The following ATP6V1H variants were observed in gnomAD, a reference collection of about 807,000 sequenced individuals.
ATP6V1H encodes V-type proton ATPase subunit H.
ATP6V1H carries 39 observed loss-of-function variants against 71.7 expected under a neutral mutation model. The observed-to-expected ratio is 0.54, with a 90% CI of 0.42 to 0.71. ATP6V1H has a LOEUF of 0.71. Among genes scored for constraint, ATP6V1H ranks in the 30% least tolerant of loss-of-function variants. ATP6V1H has a pLI of 0.00. For missense variants in ATP6V1H, 509 were observed against 594.9 expected, an observed-to-expected ratio of 0.86 and a Z score of 1.50; for synonymous variants, 192 against 199.3, an observed-to-expected ratio of 0.96 and a Z score of 0.31.
chr8:53,723,497 T>G (rs1023052393), intron 13 of ATP6V1H, among the ~76,000 whole-genome samples: 5 of 152,224 alleles, frequency 3.3e-5, no homozygotes, highest in Non-Finnish European at 7.3e-5. Context: ...ATTTTACCCC[T>G]CGGTGGTTTT....
Position 53,781,335 on chromosome 8 carries a change from T to A in ATP6V1H, c.871-9168A>T, listed in dbSNP as rs571537465. Among the ~76,000 whole-genome samples the A allele has an allele frequency of 2.1e-3, 321 of 152,372 alleles. 1 individual carries two copies. The highest frequency in any genetic ancestry group is 7.3e-3 in the African/African-American group (302 of 41,592). On this transcript the variant is annotated intron_variant, in intron 9 of 13. Transcript: ENST00000359530. Reference sequence around the variant, plus strand: ...CATGTGTTTTATGGCTGCATAAATGTCTTCTTTTCAGAAGTGTCTGTTCAT... The same window carrying A: ...CATGTGTTTTATGGCTGCATAAATGACTTCTTTTCAGAAGTGTCTGTTCAT...
intron 11 of ATP6V1H, among the ~76,000 whole-genome samples, chr8:53,763,444 G>C (rs73682570): frequency 0.12 from 17,761 of 152,146 alleles, 1,500 homozygotes; most frequent in East Asian, 0.37. Flanking sequence ...TAAATACGAT[G>C]TAAACAAATC....
intron 13 of ATP6V1H, among the ~76,000 whole-genome samples, chr8:53,721,391 A>T (rs1272612571): frequency 6.6e-6 from 1 of 152,226 alleles, no homozygotes. Context: ...TAAGTACTAT[A>T]TAGTCCAACT....
intron 9 of ATP6V1H, among the ~76,000 whole-genome samples, chr8:53,773,947 A>C (rs1808769693): frequency 6.6e-6 from 1 of 152,210 alleles, no homozygotes; most frequent in South Asian, 2.1e-4. Flanking sequence ...GTGAACTTGA[A>C]AATAGGTTAA....
chr8:53,781,845 A>G (rs1457838514), intron 9 of ATP6V1H, among the ~76,000 whole-genome samples: 1 of 152,034 alleles, frequency 6.6e-6, no homozygotes, highest in Admixed American at 6.6e-5. Flanking sequence ...AAGATCAGAT[A>G]GTTGTAGATG....
At chr8:53,745,005 C>T (rs958335671) in intron 12 of ATP6V1H, among the ~76,000 whole-genome samples, 2 of 152,122 alleles carry the variant, frequency 1.3e-5, no homozygotes, top group South Asian at 4.1e-4. Context: ...GCTGCTCTCC[C>T]GCCTCCCATT....
At chr8:53,761,990 A>G (rs1164979641) in intron 11 of ATP6V1H, among the ~76,000 whole-genome samples, 2 of 152,222 alleles carry the variant, frequency 1.3e-5, no homozygotes, top group Non-Finnish European at 2.9e-5. Flanking sequence ...GAGCAACCTG[A>G]TTTACAACAC....
At position 53,749,074 on chromosome 8, in the gene ATP6V1H, C is replaced by T. The variant is rs565898250; in HGVS notation, c.1278-5384G>A. Among the ~76,000 whole-genome samples the T allele has an allele frequency of 4.6e-5, 7 of 152,310 alleles. No homozygotes were observed. In the South Asian group the frequency reaches 1.0e-3, roughly 23 times the overall value. ...TATGTCTAGTCAGATACAGGTGGCTCTTTTGAGAAGTTCACAGTCTAGTGA... is the reference window on the plus strand; with the variant it reads ...TATGTCTAGTCAGATACAGGTGGCTTTTTTGAGAAGTTCACAGTCTAGTGA... On this transcript the variant is annotated intron_variant, in intron 12 of 13. Coordinates refer to ENST00000359530, the MANE Select transcript of ATP6V1H (RefSeq NM_015941.4).
intron 9 of ATP6V1H, among the ~76,000 whole-genome samples, chr8:53,783,151 G>A (rs1322213459): frequency 2.0e-4 from 30 of 151,912 alleles, no homozygotes; most frequent in African/African-American, 6.3e-4. Flanking sequence ...GGTAGAATTC[G>A]GCTGTGAATC....
At chr8:53,718,995 C>T (rs1806526208) in intron 13 of ATP6V1H, among the ~76,000 whole-genome samples, 1 of 152,166 alleles carries the variant, frequency 6.6e-6, no homozygotes, top group South Asian at 2.1e-4. Context: ...ATACAATTTC[C>T]TCCTCAAGCT....
At chr8:53,777,778 A>G (rs1460361543) in intron 9 of ATP6V1H, among the ~76,000 whole-genome samples, 3 of 152,242 alleles carry the variant, frequency 2.0e-5, no homozygotes, top group African/African-American at 7.2e-5. Context: ...GATTAAAAAC[A>G]GGTGGACCAC....
At chr8:53,774,814 C>T (rs528766482) in intron 9 of ATP6V1H, among the ~76,000 whole-genome samples, 17 of 152,308 alleles carry the variant, frequency 1.1e-4, no homozygotes, top group South Asian at 4.2e-4. Context: ...AAACCACAGC[C>T]TCAATGACCT....
intron 9 of ATP6V1H, among the ~76,000 whole-genome samples, chr8:53,777,426 G>C (rs1281489988): frequency 6.6e-6 from 1 of 151,556 alleles, no homozygotes; most frequent in Admixed American, 6.6e-5. Context: ...ATTAAAAAAA[G>C]AGAGAGAAAA....
intron 1 of ATP6V1H, among the ~76,000 whole-genome samples, chr8:53,842,264 T>C (rs10958392): frequency 0.4 from 61,393 of 152,152 alleles, 15,245 homozygotes; most frequent in Middle Eastern, 0.56. Context: ...ACAAAATTCA[T>C]AGTATTTGCA....
At chr8:53,784,888 A>G (rs1348765812) in intron 9 of ATP6V1H, among the ~76,000 whole-genome samples, 2 of 152,128 alleles carry the variant, frequency 1.3e-5, no homozygotes, top group African/African-American at 2.4e-5. Flanking sequence ...TTGCTTGTAG[A>G]GTTTCTGCCG....
chr8:53,738,152 C>T (rs953537638), intron 13 of ATP6V1H, among the ~76,000 whole-genome samples: 10 of 152,044 alleles, frequency 6.6e-5, no homozygotes, highest in Non-Finnish European at 1.2e-4. Context: ...AAAAAATTAG[C>T]TGGGTGTGGT....
chr8:53,735,189 C>A (rs1807158517), intron 13 of ATP6V1H, among the ~76,000 whole-genome samples: 1 of 151,980 alleles, frequency 6.6e-6, no homozygotes, highest in Non-Finnish European at 1.5e-5. Context: ...GTGGAGGTAA[C>A]AAGTATTTAC....
chr8:53,756,364 G>A (rs573948968), intron 12 of ATP6V1H, 191 bp downstream of exon 12: 7 of 389,698 alleles, frequency 1.8e-5, no homozygotes, highest in South Asian at 7.3e-5. Context: ...TTACAGGCGT[G>A]AGCCACTGCA....
At chr8:53,839,124 T>C (rs1324704869) in intron 2 of ATP6V1H, among the ~76,000 whole-genome samples, 1 of 152,148 alleles carries the variant, frequency 6.6e-6, no homozygotes, top group African/African-American at 2.4e-5. Flanking sequence ...TCATAGACCA[T>C]GGGTAACGAA....
Sources: gnomAD v4.1 joint callset for allele counts (sites outside exome capture counted in the v4.1 genomes callset) on GRCh38, gnomAD v4.1.1 for gene constraint, MANE v1.5 for transcripts, NCBI Gene and HGNC (gene_info 2026-07-23, HGNC 2026-07-21) for gene names.